The following FAM168A variants were observed in gnomAD, a reference collection of about 807,000 sequenced individuals.
FAM168A encodes the protein family with sequence similarity 168 member A.
In FAM168A, 3 loss-of-function variants were observed where a neutral mutation model predicts 28.5. The ratio of observed to expected loss-of-function variants is 0.11; its 90% CI spans 0.05 to 0.27. FAM168A has a LOEUF of 0.27. FAM168A is among the 10% of genes least tolerant of loss of function. The pLI, the probability that FAM168A is intolerant of heterozygous loss-of-function variation, is 1.00. For synonymous variants in FAM168A, 122 were observed against 124.2 expected (o/e 0.98, Z 0.12); for missense variants, 222 against 311.5 (o/e 0.71, Z 2.16).
intron 1 of FAM168A, among the ~76,000 whole-genome samples, chr11:73,544,562 G>A (rs975057309): frequency 1.3e-5 from 2 of 149,166 alleles, no homozygotes; most frequent in African/African-American, 2.5e-5. Context: ...AATAAAAGGT[G>A]GCATATACAT....
At chr11:73,418,103 C>T (rs755683064) in intron 4 of FAM168A, among the ~76,000 whole-genome samples, 7 of 152,074 alleles carry the variant, frequency 4.6e-5, no homozygotes, top group East Asian at 1.9e-4. Context: ...AGGTGAGTTA[C>T]GTTGTATAAA....
chr11:73,500,047 G>C (rs895081861), intron 1 of FAM168A, among the ~76,000 whole-genome samples: 5 of 152,000 alleles, frequency 3.3e-5, no homozygotes, highest in Non-Finnish European at 7.4e-5. Flanking sequence ...TCCACAAGAA[G>C]ATCAACCCCA....
At chr11:73,491,285 C>T (rs1181253596) in intron 1 of FAM168A, among the ~76,000 whole-genome samples, 1 of 152,136 alleles carries the variant, frequency 6.6e-6, no homozygotes, top group South Asian at 2.1e-4. Context: ...GGTAATACCA[C>T]TCCAGCGGGA....
At chr11:73,418,254 T>G (rs1039768960) in intron 4 of FAM168A, among the ~76,000 whole-genome samples, 6 of 152,108 alleles carry the variant, frequency 3.9e-5, no homozygotes, top group Admixed American at 2.0e-4. Flanking sequence ...TGCTGGGAGG[T>G]ACTGGATCAC....
intron 1 of FAM168A, among the ~76,000 whole-genome samples, chr11:73,497,791 T>G (rs1478427936): frequency 6.6e-6 from 1 of 151,966 alleles, no homozygotes; most frequent in African/African-American, 2.4e-5. Context: ...TTAGGAGAAA[T>G]ACCTAATGTA....
chr11:73,537,841 G>A (rs373078098), intron 1 of FAM168A, among the ~76,000 whole-genome samples: 24 of 152,260 alleles, frequency 1.6e-4, no homozygotes, highest in African/African-American at 5.8e-4. Context: ...AATGATGGTG[G>A]CAAATTCCAG....
intron 1 of FAM168A, among the ~76,000 whole-genome samples, chr11:73,596,872 TC>T (rs1736529555): frequency 6.6e-6 from 1 of 151,978 alleles, no homozygotes; most frequent in African/African-American, 2.4e-5. Flanking sequence ...GCCTACCAGC[TC>T]ATCTCCGAAA....
At chr11:73,478,363 AAAAGAACAC>A (rs1867920783) in intron 1 of FAM168A, among the ~76,000 whole-genome samples, 1 of 152,234 alleles carries the variant, frequency 6.6e-6, no homozygotes, top group Admixed American at 6.5e-5. Flanking sequence ...AAGCCAGGGC[AAAAGAACAC>A]ATATTGCATG....
At chr11:73,471,601 A>G (rs1031843508) in intron 1 of FAM168A, among the ~76,000 whole-genome samples, 1 of 152,174 alleles carries the variant, frequency 6.6e-6, no homozygotes, top group African/African-American at 2.4e-5. Flanking sequence ...CAGAGTATAC[A>G]AGATCCTTGA....
intron 1 of FAM168A, among the ~76,000 whole-genome samples, chr11:73,553,744 G>A (rs1189060721): frequency 6.6e-6 from 1 of 152,082 alleles, no homozygotes; most frequent in African/African-American, 2.4e-5. Context: ...CACTTTGGGA[G>A]GCCAAGGCAG....
At chr11:73,407,696 A>G in intron 6 of FAM168A, 53 bp from the exon 7 acceptor site, 2 of 1,435,234 alleles carry the variant, frequency 1.4e-6, no homozygotes, top group South Asian at 2.4e-5. Context: ...CAGACACAGG[A>G]ATGAAGAGGA....
At chr11:73,558,404 G>C (rs945346403) in intron 1 of FAM168A, among the ~76,000 whole-genome samples, 2 of 148,996 alleles carry the variant, frequency 1.3e-5, no homozygotes, top group African/African-American at 5.0e-5. Context: ...AGGAATTCAA[G>C]GCTGCGGTGA....
chr11:73,409,459 T>C, intron 6 of FAM168A, 28 bp downstream of exon 6: 1 of 1,612,148 alleles, frequency 6.2e-7, no homozygotes, highest in Non-Finnish European at 8.5e-7. Flanking sequence ...AGGAAAGGGA[T>C]GGACACTGAT....
At chr11:73,427,004 T>A (rs970246381) in intron 3 of FAM168A, among the ~76,000 whole-genome samples, 1 of 151,868 alleles carries the variant, frequency 6.6e-6, no homozygotes, top group Non-Finnish European at 1.5e-5. Flanking sequence ...TTATTTATTT[T>A]TTTTGAGATG....
In FAM168A at chr11:73,407,577, C is replaced by T. The variant is rs780140343; in HGVS notation, c.662G>A (p.Arg221Lys). ...GAHPVSMPTY[R>K]AQGTPAYSYV... ...GCTGTACGCAGGGGTTCCTTGGGCC[C>T]TATATGTTGGCATGGAGACAGGGTG... The change falls in exon 7 of 8, where the codon AGG becomes AAG. Residue 221 changes from arginine (R) to lysine (K), a missense_variant. This residue lies in a region of FAM168A where 64 missense variants were observed against 94.6 expected (regional missense o/e 0.68). Coordinates refer to ENST00000356467, the MANE Select transcript of FAM168A (RefSeq NM_015159.3). The T allele has an allele frequency of 1.2e-6, 2 of 1,608,464 alleles. No individual in the cohort carries two copies. The highest frequency in any genetic ancestry group is 1.1e-5 in the South Asian group (1 of 90,236).
chr11:73,551,493 T>A (rs1194783714), intron 1 of FAM168A, among the ~76,000 whole-genome samples: 1 of 152,236 alleles, frequency 6.6e-6, no homozygotes, highest in East Asian at 1.9e-4. Flanking sequence ...CAAAAATAAC[T>A]GTTAAAGTCA....
intron 1 of FAM168A, among the ~76,000 whole-genome samples, chr11:73,574,397 C>T (rs910767280): frequency 6.6e-6 from 1 of 152,134 alleles, no homozygotes; most frequent in Non-Finnish European, 1.5e-5. Context: ...ATGCCCTTTC[C>T]ACATATGCAC....
intron 2 of FAM168A, among the ~76,000 whole-genome samples, chr11:73,456,051 C>A (rs368259229): frequency 6.6e-6 from 1 of 152,198 alleles, no homozygotes; most frequent in African/African-American, 2.4e-5. Flanking sequence ...GTCATTTGAC[C>A]TCTCTGCATC....
intron 1 of FAM168A, among the ~76,000 whole-genome samples, chr11:73,518,227 G>A (rs1392771682): frequency 6.6e-6 from 1 of 152,108 alleles, no homozygotes; most frequent in Non-Finnish European, 1.5e-5. Context: ...AAGATATGCA[G>A]TACCCAGCTA....
Sources: gnomAD v4.1 joint callset for allele counts (sites outside exome capture counted in the v4.1 genomes callset) on GRCh38, gnomAD v4.1.1 for gene constraint, gnomAD v4.1.1 regional missense constraint, MANE v1.5 for transcripts, NCBI Gene and HGNC (gene_info 2026-07-23, HGNC 2026-07-21) for gene names.